ZCCHC2: variants seen among roughly 807,000 people sequenced by gnomAD.
ZCCHC2 encodes zinc finger CCHC domain-containing protein 2.
In ZCCHC2, 39 loss-of-function variants were observed where a neutral mutation model predicts 103.6. The observed-to-expected ratio is 0.38, with a 90% CI of 0.29 to 0.49. ZCCHC2 has a LOEUF of 0.49. Among genes scored for constraint, ZCCHC2 ranks in the 20% least tolerant of loss-of-function variants. The probability of loss-of-function intolerance (pLI) is 0.96; values close to 1 mark genes in which losing one functional copy is unlikely to be tolerated. For missense variants in ZCCHC2, 1,483 were observed against 1,491.0 expected (o/e 0.99, Z 0.09); for synonymous variants, 687 against 608.9 (o/e 1.13, Z -1.89).
rs1310348177 is a variant in ZCCHC2, at chr18:62,542,593, A to G, written c.1128+19A>G. ...TTTCAAAGTAAGCCATTTTCCCCAC[A>G]AAAGATACCTCACGTGCTGTGCTCA... On this transcript the variant is annotated intron_variant, in intron 3 of 13. Transcript: ENST00000269499. 5 of 1,549,962 alleles carry G rather than the reference A, an allele frequency of 3.2e-6. No homozygotes were observed. The highest frequency in any genetic ancestry group is 2.7e-5 in the African/African-American group (2 of 73,214).
chr18:62,549,617 C>G (rs1305944327), intron 4 of ZCCHC2, among the ~76,000 whole-genome samples: 3 of 152,136 alleles, frequency 2.0e-5, no homozygotes, highest in Non-Finnish European at 4.4e-5. Context: ...CTGAATTTTT[C>G]AAAGACTTGG....
intron 12 of ZCCHC2, 26 bp from the exon 13 acceptor site, chr18:62,574,031 T>G (rs753474779): frequency 6.3e-7 from 1 of 1,592,134 alleles, no homozygotes; most frequent in Non-Finnish European, 8.6e-7. Context: ...CCCGTGTTAA[T>G]ATCTCTTTAT....
intron 12 of ZCCHC2, among the ~76,000 whole-genome samples, 173 bp downstream of exon 12, chr18:62,570,404 T>C (rs886845887): frequency 6.6e-5 from 10 of 152,240 alleles, no homozygotes; most frequent in Non-Finnish European, 1.2e-4. Flanking sequence ...GATCATTGCC[T>C]TAGAAATTCC....
Position 62,574,877 on chromosome 18 carries a change from C to A in ZCCHC2, c.2796C>A (p.Asn932Lys), listed in dbSNP as rs1030491935. 1.9e-6 allele frequency: 3 copies of A among 1,613,870 alleles called. No homozygotes were observed. Among genetic ancestry groups the A allele is most frequent in the Non-Finnish European group, 2.5e-6 (3 of 1,179,886 alleles). Residue 932 changes from asparagine (N) to lysine (K), a missense_variant, in exon 13 of 14, where the codon AAC (asparagine) becomes AAA (lysine). By Grantham distance (94) the Asn-to-Lys change is moderately conservative (BLOSUM62 0). Coordinates refer to ENST00000269499, the MANE Select transcript of ZCCHC2 (RefSeq NM_017742.6). ...CTGCCGGCGTGTTACCCAGCCAGAACTCCAGTGTGCTCAGCACAGCAGCAA... is the reference window on the plus strand; with the variant it reads ...CTGCCGGCGTGTTACCCAGCCAGAAATCCAGTGTGCTCAGCACAGCAGCAA... ...PLAAGVLPSQ[N>K]SSVLSTAATS...
intron 4 of ZCCHC2, among the ~76,000 whole-genome samples, chr18:62,547,167 A>G (rs1303355284): frequency 6.6e-6 from 1 of 152,042 alleles, no homozygotes; most frequent in Admixed American, 6.6e-5. Context: ...TCTACTAAAA[A>G]TACAAAAAAT....
intron 11 of ZCCHC2, among the ~76,000 whole-genome samples, chr18:62,567,605 T>C (rs1214888557): frequency 2.0e-5 from 3 of 152,088 alleles, no homozygotes; most frequent in Non-Finnish European, 4.4e-5. Context: ...TTTCTGAAAG[T>C]CTGTCTTCTG....
At chr18:62,573,122 G>T (rs1014872136) in intron 12 of ZCCHC2, among the ~76,000 whole-genome samples, 3 of 152,060 alleles carry the variant, frequency 2.0e-5, no homozygotes, top group African/African-American at 4.8e-5. Context: ...AATATAAACA[G>T]TTCATACCTT....
intron 11 of ZCCHC2, 101 bp downstream of exon 11, chr18:62,565,197 A>G (rs1026273947): frequency 8.3e-6 from 7 of 847,766 alleles, no homozygotes; most frequent in Middle Eastern, 2.4e-4. Context: ...AAATCCTAAT[A>G]CTATAAGTTT....
Position 62,577,289 on chromosome 18 carries a change from C to A in ZCCHC2, c.*710C>A, listed in dbSNP as rs1273698584. ...ACCATATGAAACTGAAAAAATATGA[C>A]GTACGAAATGGACAAAAAGCTTTTT... On this transcript the variant is annotated 3_prime_UTR_variant, in exon 14 of 14. Transcript: ENST00000269499. 6.6e-6 allele frequency: 1 copy of A among 152,400 alleles called. No individual in the cohort carries two copies. Among genetic ancestry groups the A allele is most frequent in the African/African-American group, 2.4e-5 (1 of 41,432 alleles). 9.4% of individuals were successfully genotyped at this position (152,400 alleles called of 1,614,324 possible).
At chr18:62,568,951 A>G (rs949282080) in intron 11 of ZCCHC2, among the ~76,000 whole-genome samples, 3 of 152,192 alleles carry the variant, frequency 2.0e-5, no homozygotes, top group African/African-American at 7.2e-5. Context: ...TGGGTCATTC[A>G]GGGCCTGTTG....
chr18:62,540,538 A>G (rs73963443), intron 2 of ZCCHC2, among the ~76,000 whole-genome samples: 16,541 of 151,802 alleles, frequency 0.11, 935 homozygotes, highest in African/African-American at 0.13. Context: ...AAGTGTTTAT[A>G]TAATGACCAC....
chr18:62,527,937 T>TA (rs1281986094), intron 1 of ZCCHC2, among the ~76,000 whole-genome samples: 2 of 152,220 alleles, frequency 1.3e-5, no homozygotes, highest in African/African-American at 4.8e-5. Context: ...TTTGCATACT[T>TA]AAAGACATTC....
chr18:62,541,667 C>T (rs1915187769), intron 2 of ZCCHC2, among the ~76,000 whole-genome samples: 1 of 152,146 alleles, frequency 6.6e-6, no homozygotes. Context: ...AGTGTGGTTT[C>T]TTCTGTTCAT....
rs1915956266 is a variant in ZCCHC2, at chr18:62,557,732, A to G, written c.1409-955A>G. ...TCAAAAAGGCATTGAATTGAGCACA[A>G]AGTTAAACTTTTAGTTCAGATGAAC... On this transcript the variant is annotated intron_variant, in intron 6 of 13. Transcript: ENST00000269499. Among the ~76,000 whole-genome samples, 3 of 152,236 alleles carry G rather than the reference A, an allele frequency of 2.0e-5. No individual in the cohort carries two copies. The South Asian group carries it at 6.2e-4, about 32-fold the overall frequency.
At chr18:62,541,361 C>G (rs957881598) in intron 2 of ZCCHC2, among the ~76,000 whole-genome samples, 1 of 152,164 alleles carries the variant, frequency 6.6e-6, no homozygotes, top group Non-Finnish European at 1.5e-5. Flanking sequence ...GTCTTTTCCC[C>G]TGTGTATTTC....
chr18:62,564,389 TGTAA>T (rs3831483), intron 9 of ZCCHC2, among the ~76,000 whole-genome samples, 178 bp from the exon 10 acceptor site: 1,588 of 152,320 alleles, frequency 0.01, 27 homozygotes, highest in East Asian at 0.06. Context: ...GAGGAAAATA[TGTAA>T]GTGTCACAGA....
intron 11 of ZCCHC2, among the ~76,000 whole-genome samples, chr18:62,566,813 G>A (rs1299445684): frequency 6.6e-6 from 1 of 152,190 alleles, no homozygotes; most frequent in Non-Finnish European, 1.5e-5. Flanking sequence ...TCAGCAGATT[G>A]TAAGAATTAC....
chr18:62,538,316 G>A (rs1479087722), intron 1 of ZCCHC2, among the ~76,000 whole-genome samples: 1 of 150,708 alleles, frequency 6.6e-6, no homozygotes, highest in Non-Finnish European at 1.5e-5. Flanking sequence ...GCTTCTTCCA[G>A]TTAACACAAC....
intron 5 of ZCCHC2, among the ~76,000 whole-genome samples, chr18:62,553,670 C>T (rs927975182): frequency 6.6e-6 from 1 of 152,124 alleles, no homozygotes; most frequent in Non-Finnish European, 1.5e-5. Flanking sequence ...AAGGTAGCAG[C>T]ACTTTATGTC....
Sources: gnomAD v4.1 joint callset for allele counts (sites outside exome capture counted in the v4.1 genomes callset) on GRCh38, gnomAD v4.1.1 for gene constraint, MANE v1.5 for transcripts, NCBI Gene and HGNC (gene_info 2026-07-23, HGNC 2026-07-21) for gene names.